PIEZO1: variants seen among roughly 807,000 people sequenced by gnomAD.
PIEZO1 encodes the protein piezo type mechanosensitive ion channel component 1 (Er blood group).
Under a neutral mutation model 297.2 loss-of-function variants are expected in PIEZO1, and 296 were observed. The ratio of observed to expected loss-of-function variants is 1.00; its 90% CI spans 0.91 to 1.10. The LOEUF is 1.10. PIEZO1 is among the 50% of genes least tolerant of loss of function. The pLI, the probability that PIEZO1 is intolerant of heterozygous loss-of-function variation, is 0.00. For missense variants in PIEZO1, 5,018 were observed against 3,455.5 expected (o/e 1.45, Z -11.34); for synonymous variants, 2,427 against 1,507.5 (o/e 1.61, Z -14.13).
chr16:88,748,010 C>T (rs930293088), intron 2 of PIEZO1, among the ~76,000 whole-genome samples: 27 of 152,222 alleles, frequency 1.8e-4, no homozygotes, highest in African/African-American at 5.5e-4. Flanking sequence ...CAGGCCCCGA[C>T]GCTGCCAGCC....
intron 1 of PIEZO1, among the ~76,000 whole-genome samples, chr16:88,783,782 C>T (rs1908041493): frequency 6.6e-6 from 1 of 152,238 alleles, no homozygotes; most frequent in Non-Finnish European, 1.5e-5. Flanking sequence ...CCCCAAGTTT[C>T]ACCACCTTTC....
intron 22 of PIEZO1, among the ~76,000 whole-genome samples, chr16:88,730,118 A>G (rs913138068): frequency 6.6e-6 from 1 of 152,260 alleles, no homozygotes; most frequent in African/African-American, 2.4e-5. Flanking sequence ...TGTTTCAACA[A>G]GGAAGAGCTG....
Position 88,716,791 on chromosome 16 carries a change from G to A in PIEZO1, c.6753+15C>T, listed in dbSNP as rs1217664141. 6.5e-7 allele frequency: 1 copy of A among 1,549,622 alleles called. No individual in the cohort carries two copies. The highest frequency in any genetic ancestry group is 8.7e-7 in the Non-Finnish European group (1 of 1,146,894). ...GCCTCCCCACACCAGCTTTCACAGGGCAGAGGCCACTTACCGGCTGGGGGT... is the reference window on the plus strand; with the variant it reads ...GCCTCCCCACACCAGCTTTCACAGGACAGAGGCCACTTACCGGCTGGGGGT... On this transcript the variant is annotated intron_variant, in intron 46 of 50. Coordinates refer to ENST00000301015, the MANE Select transcript of PIEZO1 (RefSeq NM_001142864.4).
In PIEZO1 at chr16:88,726,467, G is replaced by A; in HGVS notation, c.3797-12C>T. On this transcript the variant is annotated splice_polypyrimidine_tract_variant and intron_variant, in intron 26 of 50. Coordinates refer to ENST00000301015, the MANE Select transcript of PIEZO1 (RefSeq NM_001142864.4). ...CATCATCTCCTTGGCTGCAAGGCAG[G>A]CACCGGCAAGGGTCAGGCCCAGGGC... 6.5e-7 allele frequency: 1 copy of A among 1,548,948 alleles called. No individual in the cohort carries two copies. The highest frequency in any genetic ancestry group is 8.7e-7 in the Non-Finnish European group (1 of 1,145,874).
rs780484363 is a variant in PIEZO1 at position 88,734,828 on chromosome 16, C to T, written c.1849-30G>A. The T allele has an allele frequency of 1.2e-5, 18 of 1,550,028 alleles. No homozygotes were observed. The African/African-American group carries it at 1.4e-4, about 12-fold the overall frequency. Reference sequence around the variant, plus strand: ...CGGGTGAGGTGGGGGTGGTGAGGACCGCGGGGAGGGTCCGTGCCCCAGCCC... The same window carrying T: ...CGGGTGAGGTGGGGGTGGTGAGGACTGCGGGGAGGGTCCGTGCCCCAGCCC... On this transcript the variant is annotated intron_variant, in intron 14 of 50. Coordinates refer to ENST00000301015, the MANE Select transcript of PIEZO1 (RefSeq NM_001142864.4).
In PIEZO1 at chr16:88,715,506, G is replaced by A. The variant is rs1911926040; in HGVS notation, c.*99C>T. The A allele has an allele frequency of 7.1e-6, 9 of 1,273,294 alleles. No homozygotes were observed. Among genetic ancestry groups the A allele is most frequent in the South Asian group, 1.4e-5 (1 of 71,128 alleles). The allele number at this position is 1,273,294 out of a possible 1,614,324, so 78.9% of individuals were successfully genotyped here. ...AGGATGCATCACAGCTGGCGGCCTT[G>A]GACGGGGCAGTGGCTCCCCCGGCCT... On this transcript the variant is annotated 3_prime_UTR_variant, in exon 51 of 51. Coordinates refer to ENST00000301015, the MANE Select transcript of PIEZO1 (RefSeq NM_001142864.4).
chr16:88,727,672 G>A lies in PIEZO1; in HGVS notation c.3197-11C>T. The stretch of plus-strand genomic sequence containing the variant: ...AGCGCCAGGGATAATCTGGGGGAAG[G>A]GGTGTCATGTCAGGAAGGGCCGGGC... On this transcript the variant is annotated splice_polypyrimidine_tract_variant and intron_variant, in intron 22 of 50. Coordinates refer to ENST00000301015, the MANE Select transcript of PIEZO1 (RefSeq NM_001142864.4). The A allele has an allele frequency of 2.1e-6, 3 of 1,399,294 alleles. No individual in the cohort carries two copies. Among genetic ancestry groups the A allele is most frequent in the Non-Finnish European group, 2.9e-6 (3 of 1,045,092 alleles). The allele number at this position is 1,399,294 out of a possible 1,614,324, so 86.7% of individuals were successfully genotyped here. A position where few individuals can be genotyped will look rare whatever the true frequency, so the allele number is the denominator to read the frequency against.
chr16:88,723,902 T>A lies in PIEZO1; in HGVS notation c.4304A>T (p.Asp1435Val). ...GGCACTCTGTGCCGACGGCCTCGGG[T>A]CTTCAGGAACAGCCTCCTCCTCTTC... ...SEEEEEAVPE[D>V]PRPSAQSAFQ... The change falls in exon 31 of 51, where the codon GAC (aspartate) becomes GTC (valine). Residue 1435 changes from aspartate to valine, a missense_variant. Coordinates refer to ENST00000301015, the MANE Select transcript of PIEZO1 (RefSeq NM_001142864.4). 6.5e-7 allele frequency: 1 copy of A among 1,548,928 alleles called. No individual in the cohort carries two copies. Among genetic ancestry groups the A allele is most frequent in the Non-Finnish European group, 8.7e-7 (1 of 1,145,600 alleles).
chr16:88,784,799 GC>G, intron 1 of PIEZO1, 101 bp downstream of exon 1: 1 of 830,690 alleles, frequency 1.2e-6, no homozygotes, highest in African/African-American at 1.8e-5. Flanking sequence ...GCGCCCGCTC[GC>G]CCGCAGCCCT....
chr16:88,752,883 TTCATC>T (rs1906460628), intron 1 of PIEZO1, among the ~76,000 whole-genome samples: 1 of 150,750 alleles, frequency 6.6e-6, no homozygotes, highest in Admixed American at 6.6e-5. Context: ...CATTCATCCA[TTCATC>T]CATTCATCCA....
intron 5 of PIEZO1, 152 bp downstream of exon 5, chr16:88,741,326 G>C: frequency 2.9e-6 from 2 of 679,238 alleles, no homozygotes; most frequent in Non-Finnish European, 2.4e-6. Context: ...TGGGCCCCGG[G>C]GTGGGATTTG....
rs533382499 is a variant in PIEZO1, at chr16:88,732,437, G to C, written c.2889C>G (p.Ala963=). Residue 963 remains alanine, a synonymous_variant, in exon 21 of 51, where the codon GCC becomes GCG. Coordinates refer to ENST00000301015, the MANE Select transcript of PIEZO1 (RefSeq NM_001142864.4). ...RRQHQLAPLP[A]QAVFASGTRQ... is the part of the protein sequence containing the mutation. ...GGGTGCCGCTGGCAAACACGGCCTG[G>C]GCAGGCAGCGGGGCCAGCTGGTGCT... 1,453 of 1,549,676 alleles carry C rather than the reference G, an allele frequency of 9.4e-4. 25 individuals are homozygous for C. In the East Asian group the frequency reaches 0.029, roughly 31 times the overall value.
rs973858958 is a variant in PIEZO1 at position 88,727,268 on chromosome 16, C to G, written c.3302-76G>C. ...GGGCACGGCGCATAAATCCCACCTC[C>G]CACCCCAGGCCTGTCGGCGTGCAGC... On this transcript the variant is annotated intron_variant, in intron 23 of 50. Transcript: ENST00000301015. The G allele has an allele frequency of 2.8e-6, 4 of 1,409,196 alleles. No individual in the cohort carries two copies. In the African/African-American group the frequency reaches 5.8e-5, roughly 20 times the overall value. 87.3% of individuals were successfully genotyped at this position (1,409,196 alleles called of 1,614,324 possible). A position where few individuals can be genotyped will look rare whatever the true frequency, so the allele number is the denominator to read the frequency against.
Position 88,727,599 on chromosome 16 carries a change from G to C in PIEZO1, c.3259C>G (p.Leu1087Val), listed in dbSNP as rs1567667141. 5 of 1,537,356 alleles carry C rather than the reference G, an allele frequency of 3.3e-6. No individual in the cohort carries two copies. Among genetic ancestry groups the C allele is most frequent in the East Asian group, 2.5e-5 (1 of 40,604 alleles). ...TTGGGGGCCCGGAAGAAATCAGGCAGGTACAGCCACTTGATGAGTGCGGAG... is the reference window on the plus strand; with the variant it reads ...TTGGGGGCCCGGAAGAAATCAGGCACGTACAGCCACTTGATGAGTGCGGAG... ...MNSALIKWLY[L>V]PDFFRAPNST... The change falls in exon 23 of 51, where the codon CTG becomes GTG. Residue 1087 changes from leucine (L) to valine (V), a missense_variant. By Grantham distance (32) the Leu-to-Val change is conservative. Coordinates refer to ENST00000301015, the MANE Select transcript of PIEZO1 (RefSeq NM_001142864.4).
chr16:88,734,338 G>A lies in PIEZO1; in HGVS notation c.2180+18C>T. The A allele has an allele frequency of 6.7e-7, 1 of 1,498,888 alleles. No individual in the cohort carries two copies. The highest frequency in any genetic ancestry group is 8.9e-7 in the Non-Finnish European group (1 of 1,119,912). The allele number at this position is 1,498,888 out of a possible 1,614,324, so 92.8% of individuals were successfully genotyped here. A position where few individuals can be genotyped will look rare whatever the true frequency, so the allele number is the denominator to read the frequency against. The stretch of plus-strand genomic sequence containing the variant: ...GGCTACACCTCTCCAGGGCCGGACA[G>A]GGAGGGCGGGGCCGCACCTGTGAGC... On this transcript the variant is annotated intron_variant, in intron 16 of 50. Transcript: ENST00000301015.
chr16:88,767,311 C>T (rs1567692332), intron 1 of PIEZO1, among the ~76,000 whole-genome samples: 1 of 152,176 alleles, frequency 6.6e-6, no homozygotes, highest in Non-Finnish European at 1.5e-5. Flanking sequence ...TGGGCCAGGT[C>T]CTGCCCATGA....
At chr16:88,754,896 C>A (rs16964956) in intron 1 of PIEZO1, among the ~76,000 whole-genome samples, 11 of 152,194 alleles carry the variant, frequency 7.2e-5, no homozygotes, top group Non-Finnish European at 1.2e-4. Context: ...TGTGAACGAA[C>A]GCCCCGGCGT....
Position 88,721,626 on chromosome 16 carries a change from CG to C in PIEZO1, c.5314del (p.Arg1772AlafsTer149). 2 of 1,550,106 alleles carry C rather than the reference CG, an allele frequency of 1.3e-6. No individual in the cohort carries two copies. The highest frequency in any genetic ancestry group is 1.7e-6 in the Non-Finnish European group (2 of 1,146,848). ...GTCAGTCTTCTCCAGGCCCAGGATG[CG>C]GGGCGGGAAGTAGGGCTTGTTCTCG... is the stretch of plus-strand genomic sequence containing the variant. ...RYENKPYFPP[R>X]ILGLEKTDGY... On this transcript the variant is annotated frameshift_variant, in exon 38 of 51. Transcript: ENST00000301015. LOFTEE classifies it high-confidence loss of function.
chr16:88,717,020 C>T lies in PIEZO1; in HGVS notation c.6660+3G>A, dbSNP rs1308251289. On this transcript the variant is annotated splice_donor_region_variant and intron_variant, in intron 45 of 50. Coordinates refer to ENST00000301015, the MANE Select transcript of PIEZO1 (RefSeq NM_001142864.4). ...ATGGACAGGCGGACCCACACATGCT[C>T]ACCTCATAGCCGCCCAGCTTCAGGG... is the stretch of plus-strand genomic sequence containing the variant. 5 of 1,550,292 alleles carry T rather than the reference C, an allele frequency of 3.2e-6. No homozygotes were observed. In the African/African-American group the frequency reaches 4.1e-5, roughly 13 times the overall value.
Sources: allele counts gnomAD v4.1 joint callset (sites outside exome capture counted in the v4.1 genomes callset), GRCh38; gene constraint gnomAD v4.1.1; transcripts MANE v1.5; gene names NCBI Gene and HGNC (gene_info 2026-07-23, HGNC 2026-07-21).